The following EPB41L5 variants were observed in gnomAD, a reference collection of about 807,000 sequenced individuals.
EPB41L5 encodes the protein band 4.1-like protein 5.
A neutral mutation model predicts 106.6 loss-of-function variants in EPB41L5; 55 were observed. The ratio of observed to expected loss-of-function variants is 0.52; its 90% CI spans 0.42 to 0.65. The LOEUF (loss-of-function observed/expected upper bound fraction) is 0.65. EPB41L5 is among the 30% of genes least tolerant of loss of function. The probability of loss-of-function intolerance (pLI) is 0.00; values close to 1 mark genes in which losing one functional copy is unlikely to be tolerated. For synonymous variants in EPB41L5, 297 were observed against 306.7 expected (o/e 0.97, Z 0.33); for missense variants, 871 against 882.1 (o/e 0.99, Z 0.16).
intron 15 of EPB41L5, 84 bp downstream of exon 15, chr2:120,100,370 G>A (rs887361466): frequency 2.5e-5 from 33 of 1,316,862 alleles, no homozygotes; most frequent in Non-Finnish European, 3.1e-5. Flanking sequence ...TTTCATAGTG[G>A]TGTATGTAAC....
At chr2:120,048,391 G>A (rs928434018) in intron 3 of EPB41L5, among the ~76,000 whole-genome samples, 6 of 152,090 alleles carry the variant, frequency 3.9e-5, no homozygotes, top group Middle Eastern at 3.2e-3. Context: ...AGTCTTGGGA[G>A]GGTGTATGTG....
chr2:120,034,711 G>A (rs1678933210), intron 2 of EPB41L5, among the ~76,000 whole-genome samples: 2 of 151,650 alleles, frequency 1.3e-5, no homozygotes, highest in African/African-American at 2.4e-5. Flanking sequence ...CCACACACAC[G>A]AAAATTAGCC....
intron 16 of EPB41L5, among the ~76,000 whole-genome samples, chr2:120,122,435 C>A (rs1190587423): frequency 6.6e-6 from 1 of 152,180 alleles, no homozygotes; most frequent in Non-Finnish European, 1.5e-5. Context: ...AACAGGGAAT[C>A]CTTTCCCCAT....
At chr2:120,104,600 A>G (rs911988375) in intron 16 of EPB41L5, 1 of 993,478 alleles carries the variant, frequency 1.0e-6, no homozygotes, top group Non-Finnish European at 1.2e-6. Context: ...ATCCAAAGAG[A>G]TCGAGGTTAA....
chr2:120,044,139 C>CT (rs1679611575), intron 3 of EPB41L5, among the ~76,000 whole-genome samples: 1 of 137,018 alleles, frequency 7.3e-6, no homozygotes, highest in Admixed American at 7.5e-5. Flanking sequence ...GACCCTGTCT[C>CT]TTAAAAAAAA....
At chr2:120,105,551 A>G in intron 16 of EPB41L5, 1 of 985,258 alleles carries the variant, frequency 1.0e-6, no homozygotes, top group Non-Finnish European at 1.2e-6. Context: ...AAATAAGCAG[A>G]ACTGACTAAT....
chr2:120,089,678 A>C (rs189055027), intron 11 of EPB41L5, among the ~76,000 whole-genome samples: 1 of 152,206 alleles, frequency 6.6e-6, no homozygotes, highest in African/African-American at 2.4e-5. Context: ...AATGAGACTG[A>C]GGAAATATAC....
chr2:120,118,289 C>A (rs190938867), intron 16 of EPB41L5, among the ~76,000 whole-genome samples: 3 of 152,250 alleles, frequency 2.0e-5, no homozygotes, highest in African/African-American at 7.2e-5. Context: ...ACTGTATGTC[C>A]ACATAGAAAA....
rs1684408634 is a variant in EPB41L5 at position 120,105,659 on chromosome 2, T to C, written c.1337+4845T>C. ...CAAAGTATTTAGCACATCCTCTAAA[T>C]ATAAATAGATCTGTATCTTAAATAG... On this transcript the variant is annotated intron_variant, in intron 16 of 24. Transcript: ENST00000263713. The C allele has an allele frequency of 6.1e-6, 6 of 985,394 alleles. No individual in the cohort carries two copies. In the African/African-American group the frequency reaches 7.0e-5, roughly 11 times the overall value. 61.0% of individuals were successfully genotyped at this position (985,394 alleles called of 1,614,324 possible).
intron 16 of EPB41L5, among the ~76,000 whole-genome samples, chr2:120,124,298 T>C (rs1326587374): frequency 2.0e-5 from 3 of 152,202 alleles, no homozygotes; most frequent in Non-Finnish European, 4.4e-5. Flanking sequence ...TGGAGTTTCA[T>C]TGATTGGGCT....
intron 19 of EPB41L5, among the ~76,000 whole-genome samples, chr2:120,144,826 G>A (rs544918970): frequency 3.9e-5 from 6 of 152,124 alleles, no homozygotes; most frequent in African/African-American, 1.2e-4. Context: ...GACCAAGTAG[G>A]GTTTATCTTG....
chr2:120,090,558 AGGCC>A (rs1416244700), intron 12 of EPB41L5, 42 bp downstream of exon 12: 1 of 1,556,032 alleles, frequency 6.4e-7, no homozygotes, highest in South Asian at 1.2e-5. Context: ...CATTGCATAC[AGGCC>A]AAAAAATTTA....
At chr2:120,118,105 C>G (rs1012508508) in intron 16 of EPB41L5, among the ~76,000 whole-genome samples, 1 of 152,150 alleles carries the variant, frequency 6.6e-6, no homozygotes, top group African/African-American at 2.4e-5. Context: ...TAGAGGAATT[C>G]AGCTATCCTT....
At chr2:120,055,098 G>A (rs2105261876) in intron 3 of EPB41L5, among the ~76,000 whole-genome samples, 1 of 152,110 alleles carries the variant, frequency 6.6e-6, no homozygotes, top group East Asian at 1.9e-4. Flanking sequence ...CTCGACCTCA[G>A]GCAATCCGCC....
intron 3 of EPB41L5, among the ~76,000 whole-genome samples, chr2:120,054,498 GTT>G (rs767149779): frequency 7.1e-6 from 1 of 141,254 alleles, no homozygotes. Flanking sequence ...TCTTCTAAAA[GTT>G]TTTTTTTTTT....
In EPB41L5 at chr2:120,069,895, C is replaced by T. The variant is rs114543798; in HGVS notation, c.286-3283C>T. On this transcript the variant is annotated intron_variant, in intron 3 of 24. Transcript: ENST00000263713. ...ATCTAAAATCGACACCCTAACGTCA[C>T]GATTAAAAGAACTAGAGAAGCAAGA... Among the ~76,000 whole-genome samples the T allele has an allele frequency of 9.6e-3, 1,463 of 151,992 alleles. 21 individuals carry two copies. Among genetic ancestry groups the T allele is most frequent in the African/African-American group, 0.033 (1,369 of 41,428 alleles).
chr2:120,126,135 G>A (rs753066195), intron 16 of EPB41L5, among the ~76,000 whole-genome samples: 43 of 152,092 alleles, frequency 2.8e-4, no homozygotes, highest in Admixed American at 9.2e-4. Context: ...ACTTAATATA[G>A]TAAGTAATAT....
intron 24 of EPB41L5, among the ~76,000 whole-genome samples, chr2:120,168,787 CTTATTGAA>C (rs1344295809): frequency 6.6e-6 from 1 of 152,182 alleles, no homozygotes; most frequent in Admixed American, 6.5e-5. Context: ...CAAACAAACA[CTTATTGAA>C]TGTCTGTGAT....
intron 12 of EPB41L5, among the ~76,000 whole-genome samples, chr2:120,091,312 A>G (rs753082402): frequency 5.9e-5 from 9 of 152,218 alleles, no homozygotes; most frequent in Non-Finnish European, 1.0e-4. Context: ...AACTTATTTA[A>G]TGTGTACTTA....
Sources: allele counts gnomAD v4.1 joint callset (sites outside exome capture counted in the v4.1 genomes callset), GRCh38; gene constraint gnomAD v4.1.1; transcripts MANE v1.5; gene names NCBI Gene and HGNC (gene_info 2026-07-23, HGNC 2026-07-21).